RTL9: variants seen among roughly 807,000 people sequenced by gnomAD.
RTL9 encodes retrotransposon Gag-like protein 9.
Under a neutral mutation model 44.7 loss-of-function variants are expected in RTL9, and 19 were observed. The observed-to-expected ratio is 0.42, with a 90% CI of 0.30 to 0.62. The LOEUF (loss-of-function observed/expected upper bound fraction) is 0.62, where lower values mean the gene tolerates loss of function less well. Among genes scored for constraint, RTL9 ranks in the 20% least tolerant of loss-of-function variants. The pLI is 0.16. For synonymous variants in RTL9, 407 were observed against 398.9 expected, an observed-to-expected ratio of 1.02 and a Z score of -0.24; for missense variants, 1,105 against 1,080.6, an observed-to-expected ratio of 1.02 and a Z score of -0.32.
intron 1 of RTL9, among the ~76,000 whole-genome samples, chrX:110,390,572 A>G (rs190030662): frequency 9.0e-6 from 1 of 111,399 alleles, no homozygotes; most frequent in Admixed American, 9.5e-5. Flanking sequence ...ACTCTCCACT[A>G]CTGTAGATCC....
chrX:110,430,837 C>A, intron 1 of RTL9, among the ~76,000 whole-genome samples: 1 of 112,406 alleles, frequency 8.9e-6, no homozygotes, highest in African/African-American at 3.2e-5. Context: ...GAATAAATTA[C>A]TTTGCATCTT....
intron 1 of RTL9, chrX:110,426,822 T>C (rs1226239975): frequency 9.0e-6 from 1 of 111,635 alleles, no homozygotes; most frequent in Non-Finnish European, 1.9e-5. Context: ...AGGGATTGAG[T>C]GGACAATGAG....
At chrX:110,453,290 C>T in exon 1 of RTL9, 4 of 1,211,589 alleles carry the variant, frequency 3.3e-6, no homozygotes, top group Non-Finnish European at 4.5e-6. Context: ...CAGTGCGAGC[C>T]CCAGCCTCTG....
intron 1 of RTL9, among the ~76,000 whole-genome samples, chrX:110,386,829 G>A (rs1192812885): frequency 1.8e-5 from 2 of 112,003 alleles, no homozygotes; most frequent in East Asian, 5.5e-4. Flanking sequence ...GCACTGTGGG[G>A]GAATAAGACC....
At chrX:110,429,592 C>T (rs1197897993) in intron 1 of RTL9, among the ~76,000 whole-genome samples, 4 of 109,371 alleles carry the variant, frequency 3.7e-5, no homozygotes, top group Admixed American at 2.9e-4. Context: ...AAGTGATTCT[C>T]CTGCCTCAGC....
intron 1 of RTL9, among the ~76,000 whole-genome samples, chrX:110,409,736 G>C (rs557238611): frequency 9.1e-6 from 1 of 110,015 alleles, no homozygotes; most frequent in Non-Finnish European, 1.9e-5. Flanking sequence ...CTAAATATCT[G>C]ACAAAGGAAT....
chrX:110,366,143 C>T (rs1051304115), intron 1 of RTL9, among the ~76,000 whole-genome samples: 1 of 111,577 alleles, frequency 9.0e-6, no homozygotes, highest in Admixed American at 9.5e-5. Flanking sequence ...AAGGTTTTAT[C>T]CTAAAAGTCA....
intron 1 of RTL9, among the ~76,000 whole-genome samples, chrX:110,375,347 C>A (rs1418699467): frequency 8.9e-6 from 1 of 111,743 alleles, no homozygotes; most frequent in Non-Finnish European, 1.9e-5. Flanking sequence ...CTAGTCTCAG[C>A]TCTACCCCTA....
At chrX:110,383,168 C>A (rs1178557096) in intron 1 of RTL9, among the ~76,000 whole-genome samples, 1 of 111,635 alleles carries the variant, frequency 9.0e-6, no homozygotes, top group African/African-American at 3.3e-5. Context: ...TGCACCCAAC[C>A]TGATGGTAGA....
exon 1 of RTL9, chrX:110,454,587 G>T: frequency 8.3e-7 from 1 of 1,211,840 alleles, no homozygotes. Flanking sequence ...CTCAAGCCAG[G>T]TTCTGCCAAC....
chrX:110,402,076 T>C (rs751325296), intron 1 of RTL9, among the ~76,000 whole-genome samples: 1 of 112,208 alleles, frequency 8.9e-6, no homozygotes, highest in East Asian at 2.8e-4. Context: ...TCCCACACTT[T>C]CCAGGTCAAT....
intron 1 of RTL9, among the ~76,000 whole-genome samples, chrX:110,403,225 C>G (rs889347686): frequency 1.2e-4 from 13 of 112,272 alleles, no homozygotes; most frequent in African/African-American, 4.2e-4. Flanking sequence ...CCACACATTG[C>G]AAACCTCACA....
chrX:110,416,813 C>A (rs1244295310), upstream of RTL9, among the ~76,000 whole-genome samples: 1 of 112,074 alleles, frequency 8.9e-6, no homozygotes, highest in Admixed American at 9.4e-5. Context: ...CAAGGTGGCC[C>A]AGTGGTTAGA....
exon 1 of RTL9, chrX:110,452,788 G>A: frequency 8.3e-7 from 1 of 1,211,531 alleles, no homozygotes. Flanking sequence ...CAGCCAATGA[G>A]CACCCAAGAT....
intron 1 of RTL9, among the ~76,000 whole-genome samples, chrX:110,378,004 G>C (rs1488324480): frequency 1.7e-5 from 1 of 58,486 alleles, no homozygotes; most frequent in African/African-American, 1.4e-4. Context: ...GCGAGACTCC[G>C]TCTCAAAAAA....
chrX:110,400,169 G>A (rs2068554769), intron 1 of RTL9, among the ~76,000 whole-genome samples: 1 of 106,319 alleles, frequency 9.4e-6, no homozygotes. Flanking sequence ...ACATTTGGGT[G>A]CAATTTCTAA....
At chrX:110,390,199 T>C (rs2068485273) in intron 1 of RTL9, among the ~76,000 whole-genome samples, 2 of 111,986 alleles carry the variant, frequency 1.8e-5, no homozygotes, top group South Asian at 3.8e-4. Flanking sequence ...TTATATTTAC[T>C]GAATTCCTAC....
At position 110,453,655 on chromosome X, in the gene RTL9, G is replaced by T. The variant is rs145170816; in HGVS notation, c.3038G>T (p.Arg1013Met). The change falls in exon 1 of 2, where the codon AGG becomes ATG. Residue 1013 changes from arginine to methionine, a missense_variant. Transcript: ENST00000540313. ...CAAACAACATATACCGTGTCTGGAA[G>T]GATGGCCACAGCGCCAATTAGAGCC... 2.3e-4 allele frequency: 277 copies of T among 1,210,619 alleles called. 1 individual carries two copies. In the African/African-American group the frequency reaches 4.4e-3, roughly 19 times the overall value.
intron 1 of RTL9, among the ~76,000 whole-genome samples, chrX:110,380,231 A>G (rs1602949450): frequency 8.9e-6 from 1 of 112,245 alleles, no homozygotes; most frequent in Non-Finnish European, 1.9e-5. Flanking sequence ...ACAGAACACA[A>G]AAGGATTAGA....
Sources: allele counts gnomAD v4.1 joint callset (sites outside exome capture counted in the v4.1 genomes callset), GRCh38; gene constraint gnomAD v4.1.1; transcripts MANE v1.5; gene names NCBI Gene and HGNC (gene_info 2026-07-23, HGNC 2026-07-21).